VPS13B: variants seen among roughly 807,000 people sequenced by gnomAD.
The protein encoded by VPS13B is intermembrane lipid transfer protein VPS13B.
VPS13B carries 285 observed loss-of-function variants against 426.4 expected under a neutral mutation model. The observed-to-expected ratio is 0.67, with a 90% CI of 0.61 to 0.74. The LOEUF is 0.74. VPS13B is among the 30% of genes least tolerant of loss of function. The pLI is 0.00. For synonymous variants in VPS13B, 1,676 were observed against 1,676.4 expected (o/e 1.00, Z 0.01); for missense variants, 4,537 against 4,782.6 (o/e 0.95, Z 1.51).
intron 24 of VPS13B, among the ~76,000 whole-genome samples, chr8:99,478,459 T>TTTTTG (rs1563752167): frequency 2.4e-5 from 3 of 123,846 alleles, no homozygotes; most frequent in Non-Finnish European, 5.0e-5. Context: ...TTTTTTTTTT[T>TTTTTG]TTTTTTGTTT....
In VPS13B at chr8:99,371,951, G is replaced by C. The variant is rs375114085; in HGVS notation, c.2825-12257G>C. On this transcript the variant is annotated intron_variant, in intron 19 of 61. Transcript: ENST00000357162. ...CCTAGGCAATACCATTCAGGACATA[G>C]GCATGGGCAAAGACTTCATGACTAA... Among the ~76,000 whole-genome samples, 66 of 152,234 alleles carry C rather than the reference G, an allele frequency of 4.3e-4. No individual in the cohort carries two copies. In the Middle Eastern group the frequency reaches 0.01, roughly 24 times the overall value.
chr8:99,820,662 C>T (rs1362716774), intron 49 of VPS13B, among the ~76,000 whole-genome samples: 1 of 151,942 alleles, frequency 6.6e-6, no homozygotes, highest in Non-Finnish European at 1.5e-5. Flanking sequence ...AACAAAATAT[C>T]GCAGGAAAAT....
chr8:99,470,898 AATT>A (rs1819369375), intron 24 of VPS13B, among the ~76,000 whole-genome samples: 1 of 152,030 alleles, frequency 6.6e-6, no homozygotes, highest in African/African-American at 2.4e-5. Flanking sequence ...AAATTTTGAC[AATT>A]TTGACAGCAG....
At chr8:99,869,459 T>G (rs1315659477) in intron 59 of VPS13B, among the ~76,000 whole-genome samples, 8 of 152,072 alleles carry the variant, frequency 5.3e-5, no homozygotes, top group Non-Finnish European at 8.8e-5. Context: ...CCGGAGAGCA[T>G]CCTTAAGAGA....
intron 21 of VPS13B, among the ~76,000 whole-genome samples, chr8:99,424,779 C>G (rs1445478154): frequency 1.3e-5 from 2 of 152,044 alleles, no homozygotes; most frequent in East Asian, 3.9e-4. Context: ...AATCCAGGAG[C>G]TGGTTTTTTG....
At chr8:99,499,331 G>A (rs1821103097) in intron 25 of VPS13B, among the ~76,000 whole-genome samples, 1 of 152,108 alleles carries the variant, frequency 6.6e-6, no homozygotes, top group South Asian at 2.1e-4. Flanking sequence ...CTTTTACTGA[G>A]GAGTGCTTAC....
Position 99,844,796 on chromosome 8 carries a change from T to C in VPS13B, c.9943-3980T>C, listed in dbSNP as rs188653832. Among the ~76,000 whole-genome samples, 17 of 152,328 alleles carry C rather than the reference T, an allele frequency of 1.1e-4. No homozygotes were observed. The East Asian group carries it at 3.3e-3, about 29-fold the overall frequency. On this transcript the variant is annotated intron_variant, in intron 54 of 61. Coordinates refer to ENST00000357162, the MANE Select transcript of VPS13B (RefSeq NM_152564.5). ...ACACAAACATTCAGACCATAGCAGG[T>C]TTAAAATTATTTCTAACTTTGCAAG...
intron 2 of VPS13B, among the ~76,000 whole-genome samples, chr8:99,032,776 G>A (rs572320819): frequency 5.3e-5 from 8 of 151,474 alleles, no homozygotes; most frequent in African/African-American, 1.9e-4. Flanking sequence ...TCCTGACCTC[G>A]TGATCCACCT....
chr8:99,782,099 A>AATGTTAAT (rs1812051451), intron 42 of VPS13B, among the ~76,000 whole-genome samples: 2 of 152,130 alleles, frequency 1.3e-5, no homozygotes, highest in Admixed American at 1.3e-4. Context: ...AATTCACCAA[A>AATGTTAAT]ATGTTAATAG....
chr8:99,470,420 G>A (rs1001759896), intron 24 of VPS13B, among the ~76,000 whole-genome samples: 7 of 152,050 alleles, frequency 4.6e-5, no homozygotes, highest in Middle Eastern at 3.4e-3. Flanking sequence ...TAAATGAAAA[G>A]GCAATAAATC....
chr8:99,876,167 G>C lies in VPS13B; in HGVS notation c.*501G>C, dbSNP rs1488743208. The C allele has an allele frequency of 5.9e-6, 1 of 169,010 alleles. No homozygotes were observed. Among genetic ancestry groups the C allele is most frequent in the Non-Finnish European group, 1.3e-5 (1 of 77,260 alleles). The allele number at this position is 169,010 out of a possible 1,614,324, so 10.5% of individuals were successfully genotyped here. A position where few individuals can be genotyped will look rare whatever the true frequency, so the allele number is the denominator to read the frequency against. ...TGGAGAGCCAGAGTTAAAACTTCAAGTTGCATCTGTTTTTGGGCTGAGTCA... is the reference window on the plus strand; with the variant it reads ...TGGAGAGCCAGAGTTAAAACTTCAACTTGCATCTGTTTTTGGGCTGAGTCA... On this transcript the variant is annotated 3_prime_UTR_variant, in exon 62 of 62. Transcript: ENST00000357162.
intron 16 of VPS13B, among the ~76,000 whole-genome samples, chr8:99,183,589 T>A (rs758369048): frequency 6.6e-6 from 1 of 152,142 alleles, no homozygotes; most frequent in Non-Finnish European, 1.5e-5. Context: ...TACTTAGTAC[T>A]TGCCTAATAA....
chr8:99,174,185 T>A (rs974624846), intron 16 of VPS13B, among the ~76,000 whole-genome samples: 1 of 152,244 alleles, frequency 6.6e-6, no homozygotes, highest in African/African-American at 2.4e-5. Context: ...CTGAATTTTA[T>A]GTATTCATTT....
chr8:99,337,823 T>G (rs1184701758), intron 19 of VPS13B, among the ~76,000 whole-genome samples: 2 of 152,154 alleles, frequency 1.3e-5, no homozygotes, highest in Admixed American at 1.3e-4. Flanking sequence ...TATATTTTCC[T>G]CTAAAAGCCT....
intron 21 of VPS13B, among the ~76,000 whole-genome samples, chr8:99,406,335 A>G (rs1304145034): frequency 6.6e-6 from 1 of 152,038 alleles, no homozygotes; most frequent in Non-Finnish European, 1.5e-5. Context: ...TTGAGCAAAT[A>G]TGTATTAAAT....
chr8:99,076,441 CTGAGAG>C (rs1489863132), intron 3 of VPS13B, among the ~76,000 whole-genome samples: 2 of 152,118 alleles, frequency 1.3e-5, no homozygotes, highest in Non-Finnish European at 2.9e-5. Context: ...ATGTCCCATG[CTGAGAG>C]TGGGGTATTC....
intron 17 of VPS13B, chr8:99,234,321 C>T (rs1816520995): frequency 5.3e-6 from 4 of 754,020 alleles, no homozygotes; most frequent in Middle Eastern, 3.1e-4. Context: ...TCCACTATCC[C>T]GTGTTGAGCC....
At chr8:99,818,273 C>T (rs1237213859) in intron 45 of VPS13B, among the ~76,000 whole-genome samples, 178 bp from the exon 46 acceptor site, 2 of 152,206 alleles carry the variant, frequency 1.3e-5, no homozygotes, top group East Asian at 3.8e-4. Flanking sequence ...CGCTGACTCA[C>T]TGCACATTTG....
chr8:99,549,235 A>G (rs1310801226), intron 30 of VPS13B, among the ~76,000 whole-genome samples: 2 of 152,174 alleles, frequency 1.3e-5, no homozygotes, highest in African/African-American at 4.8e-5. Context: ...AGTTGATGAA[A>G]CAGATCAAAT....
Sources: gnomAD v4.1 joint callset for allele counts (sites outside exome capture counted in the v4.1 genomes callset) on GRCh38, gnomAD v4.1.1 for gene constraint, MANE v1.5 for transcripts, NCBI Gene and HGNC (gene_info 2026-07-23, HGNC 2026-07-21) for gene names.